KIF15: variants seen among roughly 807,000 people sequenced by gnomAD.
The protein encoded by KIF15 is kinesin-like protein KIF15.
KIF15 carries 140 observed loss-of-function variants against 190.6 expected under a neutral mutation model. The observed-to-expected ratio is 0.73, with a 90% CI of 0.64 to 0.84. KIF15 has a LOEUF of 0.84. Ranked by LOEUF, KIF15 falls within the 40% of genes least tolerant of loss-of-function variation. The probability of loss-of-function intolerance (pLI) is 0.00; values close to 1 mark genes in which losing one functional copy is unlikely to be tolerated. For synonymous variants in KIF15, 528 were observed against 551.3 expected, an observed-to-expected ratio of 0.96 and a Z score of 0.59; for missense variants, 1,372 against 1,584.4, an observed-to-expected ratio of 0.87 and a Z score of 2.28.
chr3:44,810,819 GT>G (rs780569344), intron 16 of KIF15, 26 bp from the exon 17 acceptor site: 1 of 1,563,750 alleles, frequency 6.4e-7, no homozygotes, highest in Non-Finnish European at 8.7e-7. Context: ...ATGTGCTAAT[GT>G]TTTCCATAAT....
At chr3:44,821,194 T>G (rs1258715172) in intron 20 of KIF15, among the ~76,000 whole-genome samples, 1 of 111,088 alleles carries the variant, frequency 9.0e-6, no homozygotes. Context: ...CACTTCCCAG[T>G]AGGGGCGGCT....
chr3:44,813,189 T>G lies in KIF15; in HGVS notation c.2383+9T>G. On this transcript the variant is annotated intron_variant, in intron 19 of 34. Transcript: ENST00000326047. ...TCAAACTAAAAATGACTGTAAGTTA[T>G]TCTATCAGGAGCTTTGTGACTTGAA... The G allele has an allele frequency of 6.7e-7, 1 of 1,495,836 alleles. No individual in the cohort carries two copies. Among genetic ancestry groups the G allele is most frequent in the Non-Finnish European group, 9.2e-7 (1 of 1,084,806 alleles). The allele number at this position is 1,495,836 out of a possible 1,614,324, so 92.7% of individuals were successfully genotyped here. A position where few individuals can be genotyped will look rare whatever the true frequency, so the allele number is the denominator to read the frequency against.
chr3:44,778,993 AAAAAAAAACC>A (rs1289184672), intron 4 of KIF15, among the ~76,000 whole-genome samples: 2 of 151,496 alleles, frequency 1.3e-5, no homozygotes, highest in East Asian at 3.9e-4. Flanking sequence ...AAAAAAAAAA[AAAAAAAAACC>A]AAAACAAAAA....
Position 44,787,620 on chromosome 3 carries a change from T to C in KIF15, c.639+1046T>C, listed in dbSNP as rs187600475. Among the ~76,000 whole-genome samples, 124 of 152,288 alleles carry C rather than the reference T, an allele frequency of 8.1e-4. 2 individuals are homozygous for C. Among genetic ancestry groups the C allele is most frequent in the African/African-American group, 2.9e-3 (122 of 41,572 alleles). On this transcript the variant is annotated intron_variant, in intron 7 of 34. Transcript: ENST00000326047. The stretch of plus-strand genomic sequence containing the variant: ...TGTTGGGTTTTTTATTGGAATTACA[T>C]TGCAGTTATAGACCAGTCTGGAGGG...
At chr3:44,866,034 A>T (rs534157128) in intron 6 of KIF15, among the ~76,000 whole-genome samples, 2 of 146,604 alleles carry the variant, frequency 1.4e-5, no homozygotes, top group African/African-American at 2.5e-5. Flanking sequence ...TCTTTCTCAG[A>T]TTCCCCTTTG....
At position 44,833,393 on chromosome 3, in the gene KIF15, G is replaced by A. The variant is rs371433431; in HGVS notation, c.3171+2375G>A. 1.1e-4 allele frequency among the ~76,000 whole-genome samples: 16 copies of A among 151,796 alleles called. No individual in the cohort carries two copies. The South Asian group carries it at 2.7e-3, about 26-fold the overall frequency. Reference sequence around the variant, plus strand: ...TAATAAAATAGTTGTACAACTCACCGTAATGTAGAATCAGTGGGAGCCCTG... The same window carrying A: ...TAATAAAATAGTTGTACAACTCACCATAATGTAGAATCAGTGGGAGCCCTG... On this transcript the variant is annotated intron_variant, in intron 26 of 34. Coordinates refer to ENST00000326047, the MANE Select transcript of KIF15 (RefSeq NM_020242.3).
intron 30 of KIF15, 124 bp downstream of exon 30, chr3:44,843,358 T>C: frequency 1.6e-6 from 1 of 629,834 alleles, no homozygotes; most frequent in South Asian, 2.0e-5. Flanking sequence ...ATCCAGGAGA[T>C]GGTCTTTTGG....
chr3:44,865,295 C>A, intron 6 of KIF15: 2 of 1,416,572 alleles, frequency 1.4e-6, no homozygotes, highest in Non-Finnish European at 1.9e-6. Flanking sequence ...GACCATCAGC[C>A]AAGGGAAGCA....
rs1706182624 is a variant in KIF15 at position 44,781,898 on chromosome 3, A to G, written c.361+976A>G. 2.6e-5 allele frequency among the ~76,000 whole-genome samples: 4 copies of G among 152,138 alleles called. No individual in the cohort carries two copies. The South Asian group carries it at 8.3e-4, about 31-fold the overall frequency. On this transcript the variant is annotated intron_variant, in intron 5 of 34. Coordinates refer to ENST00000326047, the MANE Select transcript of KIF15 (RefSeq NM_020242.3). ...GACTTTTTCTTACTCATTTGTGGAT[A>G]TTCCTTATAAAACAGAGAAGTTAGC...
intron 20 of KIF15, among the ~76,000 whole-genome samples, chr3:44,818,535 T>C (rs1489167527): frequency 6.6e-6 from 1 of 152,222 alleles, no homozygotes; most frequent in African/African-American, 2.4e-5. Flanking sequence ...GTTTATGTGA[T>C]GGATTGCATT....
chr3:44,778,476 T>C (rs1371307698), intron 4 of KIF15, among the ~76,000 whole-genome samples: 1 of 152,140 alleles, frequency 6.6e-6, no homozygotes, highest in Admixed American at 6.5e-5. Context: ...CTGTTTATCT[T>C]CAAAACCAAC....
chr3:44,770,028 T>C (rs1448473445), intron 1 of KIF15, among the ~76,000 whole-genome samples: 1 of 152,226 alleles, frequency 6.6e-6, no homozygotes, highest in Non-Finnish European at 1.5e-5. Flanking sequence ...ATTTTTACAT[T>C]ACCCATCCCC....
chr3:44,801,218 G>C (rs1251995519), intron 11 of KIF15, among the ~76,000 whole-genome samples: 3 of 150,534 alleles, frequency 2.0e-5, no homozygotes, highest in Non-Finnish European at 3.0e-5. Flanking sequence ...CGGGAGGGGG[G>C]GGTCTCACCA....
chr3:44,805,870 G>A lies in KIF15; in HGVS notation c.1855G>A (p.Glu619Lys), dbSNP rs1402307067. Residue 619 changes from glutamate to lysine, a missense_variant, in exon 16 of 35, where the codon GAG (glutamate) becomes AAG (lysine). By Grantham distance (56) the Glu-to-Lys change is moderately conservative. Coordinates refer to ENST00000326047, the MANE Select transcript of KIF15 (RefSeq NM_020242.3). Reference protein sequence around the residue: ...TRKRQLELESELQSLQKANLN... With the variant: ...TRKRQLELESKLQSLQKANLN... ...GAAAAGGCAGCTAGAATTGGAATCA[G>A]AGCTTCAGTCTTTGCAAAAAGCGAA... is the stretch of plus-strand genomic sequence containing the variant. The A allele has an allele frequency of 6.2e-7, 1 of 1,613,916 alleles. No individual in the cohort carries two copies. Among genetic ancestry groups the A allele is most frequent in the Non-Finnish European group, 8.5e-7 (1 of 1,179,950 alleles).
At chr3:44,862,638 A>G (rs1699271048) in intron 6 of KIF15, 1 of 152,300 alleles carries the variant, frequency 6.6e-6, no homozygotes, top group South Asian at 2.1e-4. Flanking sequence ...CTGTAGGCAT[A>G]AGAGGATACT....
rs748750764 is a variant in KIF15, at chr3:44,841,247, A to AT, written c.3585+17dup. Reference sequence around the variant, plus strand: ...AAATCCTCAGAATGAAGGTAATTGGATTTTTTTTCCAGTAAATTTAATTAT... The same window carrying AT: ...AAATCCTCAGAATGAAGGTAATTGGATTTTTTTTTCCAGTAAATTTAATTAT... On this transcript the variant is annotated intron_variant, in intron 29 of 34. Coordinates refer to ENST00000326047, the MANE Select transcript of KIF15 (RefSeq NM_020242.3). 1.6e-5 allele frequency: 25 copies of AT among 1,587,938 alleles called. No homozygotes were observed. Among genetic ancestry groups the AT allele is most frequent in the Non-Finnish European group, 2.1e-5 (24 of 1,170,464 alleles).
At chr3:44,781,248 C>T (rs564456766) in intron 5 of KIF15, among the ~76,000 whole-genome samples, 1 of 152,258 alleles carries the variant, frequency 6.6e-6, no homozygotes, top group African/African-American at 2.4e-5. Flanking sequence ...ACTACCAAAC[C>T]CTGTCCCCTG....
At chr3:44,773,684 G>A (rs182960391) in intron 1 of KIF15, among the ~76,000 whole-genome samples, 4 of 152,306 alleles carry the variant, frequency 2.6e-5, no homozygotes, top group African/African-American at 7.2e-5. Flanking sequence ...GAAGAAGTCC[G>A]AGGACAAGAA....
At chr3:44,855,877 G>T (rs1699183068), downstream of KIF15, among the ~76,000 whole-genome samples, 1 of 152,138 alleles carries the variant, frequency 6.6e-6, no homozygotes, top group African/African-American at 2.4e-5. Context: ...GTAATTGATT[G>T]GTTGGTTGGT....
Sources: allele counts gnomAD v4.1 joint callset (sites outside exome capture counted in the v4.1 genomes callset), GRCh38; gene constraint gnomAD v4.1.1; transcripts MANE v1.5; gene names NCBI Gene and HGNC (gene_info 2026-07-23, HGNC 2026-07-21).